Variants in PCDHGB3 observed in about 807,000 individuals in gnomAD.
PCDHGB3 encodes the protein protocadherin gamma-B3.
A neutral mutation model predicts 59.2 loss-of-function variants in PCDHGB3; 40 were observed. The ratio of observed to expected loss-of-function variants is 0.68; its 90% CI spans 0.52 to 0.88. The LOEUF is 0.88. Ranked by LOEUF, PCDHGB3 falls within the 40% of genes least tolerant of loss-of-function variation. The probability of loss-of-function intolerance (pLI) is 0.00; values close to 1 mark genes in which losing one functional copy is unlikely to be tolerated. For synonymous variants in PCDHGB3, 581 were observed against 503.6 expected (o/e 1.15, Z -2.06); for missense variants, 1,309 against 1,187.9 (o/e 1.10, Z -1.50).
At position 141,487,063 on chromosome 5, in the gene PCDHGB3, G is replaced by A. The variant is rs754361361; in HGVS notation, c.2416-7744G>A. 39 of 1,614,086 alleles carry A rather than the reference G, an allele frequency of 2.4e-5. No individual in the cohort carries two copies. In the South Asian group the frequency reaches 3.7e-4, roughly 15 times the overall value. The stretch of plus-strand genomic sequence containing the variant: ...CTCGATATGCTGGGGAGGTGCGGAC[G>A]GCTGTTCCTATCCCAGCTGACCTCC... On this transcript the variant is annotated intron_variant, in intron 1 of 3. Transcript: ENST00000576222. The surrounding 1 kb of genome is among the most constrained non-coding windows in gnomAD (Gnocchi z 5.0).
chr5:141,398,738 A>G, intron 1 of PCDHGB3: 1 of 1,613,880 alleles, frequency 6.2e-7, no homozygotes, highest in Admixed American at 1.7e-5. Flanking sequence ...GACCGGGAAC[A>G]ACAGAGTTAC....
chr5:141,442,779 A>G (rs1453800627), intron 1 of PCDHGB3, among the ~76,000 whole-genome samples: 1 of 152,160 alleles, frequency 6.6e-6, no homozygotes, highest in Non-Finnish European at 1.5e-5. Context: ...GTTTGATTAT[A>G]TTTTATAATT....
chr5:141,427,114 A>G (rs767478190), intron 1 of PCDHGB3: 1 of 457,522 alleles, frequency 2.2e-6, no homozygotes, highest in Non-Finnish European at 4.4e-6. Flanking sequence ...GAGATCACCT[A>G]CTCTTTCAAA....
intron 3 of PCDHGB3, among the ~76,000 whole-genome samples, chr5:141,509,776 C>T (rs898626809): frequency 7.2e-5 from 11 of 152,140 alleles, no homozygotes; most frequent in African/African-American, 9.7e-5. Context: ...GTCTAGTCCC[C>T]GAGATCATCA....
At chr5:141,408,850 C>T (rs2095179070) in intron 1 of PCDHGB3, 2 of 1,613,554 alleles carry the variant, frequency 1.2e-6, no homozygotes, top group South Asian at 1.1e-5. Context: ...CTGCCTTGGA[C>T]GGAGGGGACC....
rs775212888 is a variant in PCDHGB3 at position 141,372,751 on chromosome 5, C to T, written c.2357C>T (p.Ser786Phe). 1 of 1,613,310 alleles carries T rather than the reference C, an allele frequency of 6.2e-7. No homozygotes were observed. The highest frequency in any genetic ancestry group is 1.7e-5 in the Admixed American group (1 of 59,984). The change falls in exon 1 of 4, where the codon TCT (serine) becomes TTT (phenylalanine). Residue 786 changes from serine (S) to phenylalanine (F), a missense_variant. Coordinates refer to ENST00000576222, the MANE Select transcript of PCDHGB3 (RefSeq NM_018924.5). The stretch of plus-strand genomic sequence containing the variant: ...CAAGATCTTCTATGTGATGAAGCCT[C>T]TTGGTTTGAAAGTAATGACAATCCA... Reference protein sequence around the residue: ...APQDLLCDEASWFESNDNPEM... With the variant: ...APQDLLCDEAFWFESNDNPEM...
At position 141,376,453 on chromosome 5, in the gene PCDHGB3, T is replaced by G. The variant is rs779136467; in HGVS notation, c.2415+3644T>G. On this transcript the variant is annotated intron_variant, in intron 1 of 3. Transcript: ENST00000576222. ...AGGAGAGCTATGAGAAAAGCGAGCC[T>G]CTTCTGATAACTCAGGATTTACTTG... The G allele has an allele frequency of 1.9e-6, 3 of 1,614,166 alleles. No homozygotes were observed. The South Asian group carries it at 3.3e-5, about 18-fold the overall frequency.
chr5:141,371,970 CG>C lies in PCDHGB3; in HGVS notation c.1577del (p.Arg526LeufsTer21), dbSNP rs748554819. The C allele has an allele frequency of 2.5e-4, 402 of 1,613,132 alleles. No homozygotes were observed. The highest frequency in any genetic ancestry group is 5.5e-5 in the Non-Finnish European group (65 of 1,179,814). ...GCGAGCCTTCGACCACGAGCAGCTG[CG>C]TGCCTTCGAGCTCACTCTGCAGGCC... ...AQRAFDHEQL[R>X]AFELTLQARD... On this transcript the variant is annotated frameshift_variant, in exon 1 of 4. Transcript: ENST00000576222. LOFTEE classifies it high-confidence loss of function.
At chr5:141,391,248 A>G (rs1561633877) in intron 1 of PCDHGB3, 1 of 152,120 alleles carries the variant, frequency 6.6e-6, no homozygotes, top group Non-Finnish European at 1.5e-5. Context: ...TATCTAAGCA[A>G]CTGCTTCAGT....
At chr5:141,387,877 C>T in intron 1 of PCDHGB3, 1 of 1,585,868 alleles carries the variant, frequency 6.3e-7, no homozygotes, top group Non-Finnish European at 8.6e-7. Flanking sequence ...CTGAGGAGAG[C>T]AAGAGGGATG....
At chr5:141,409,986 A>G (rs995773112) in intron 1 of PCDHGB3, 27 of 1,612,796 alleles carry the variant, frequency 1.7e-5, no homozygotes, top group Non-Finnish European at 2.2e-5. Context: ...GTAGCGGTGG[A>G]CGCCGACTCG....
At chr5:141,471,046 CTT>C (rs1170588345) in intron 1 of PCDHGB3, among the ~76,000 whole-genome samples, 2,578 of 113,210 alleles carry the variant, frequency 0.023, 53 homozygotes, top group East Asian at 0.11. Context: ...CCCAAGCCCT[CTT>C]TTTTTTTTTT....
chr5:141,428,200 G>A (rs1000165985), intron 1 of PCDHGB3: 3 of 1,363,858 alleles, frequency 2.2e-6, no homozygotes, highest in East Asian at 2.3e-5. Flanking sequence ...TCTCTGCGCC[G>A]CTACGCTTCA....
At chr5:141,510,658 A>G (rs1162885805) in intron 3 of PCDHGB3, among the ~76,000 whole-genome samples, 1 of 152,178 alleles carries the variant, frequency 6.6e-6, no homozygotes, top group African/African-American at 2.4e-5. Context: ...CATTTTGCAG[A>G]TGAGAAAACT....
Position 141,485,790 on chromosome 5 carries a change from C to G in PCDHGB3, c.2416-9017C>G. 6.2e-7 allele frequency: 1 copy of G among 1,614,204 alleles called. No homozygotes were observed. The highest frequency in any genetic ancestry group is 8.5e-7 in the Non-Finnish European group (1 of 1,180,032). ...AAGCCTTTGGATCGAGAGAAGCAAT[C>G]GGACTACCGCCTGGTGCTGACTGCT... On this transcript the variant is annotated intron_variant, in intron 1 of 3. Transcript: ENST00000576222. This position sits in a 1 kb window ranked among gnomAD's most constrained non-coding sequence, Gnocchi z 5.7.
At position 141,370,568 on chromosome 5, in the gene PCDHGB3, G is replaced by T. The variant is rs968157637; in HGVS notation, c.174G>T (p.Val58=). The T allele has an allele frequency of 1.9e-6, 3 of 1,613,930 alleles. No homozygotes were observed. The highest frequency in any genetic ancestry group is 1.7e-5 in the Admixed American group (1 of 60,024). ...GNLAKDLGFG[V]GDLPTRNLRV... is the part of the protein sequence containing the mutation. ...TCGCCAAGGACCTGGGGTTTGGCGT[G>T]GGGGATTTACCTACTAGGAACCTGC... Residue 58 remains valine (V), a synonymous_variant, in exon 1 of 4, where the codon GTG becomes GTT. Coordinates refer to ENST00000576222, the MANE Select transcript of PCDHGB3 (RefSeq NM_018924.5).
intron 1 of PCDHGB3, among the ~76,000 whole-genome samples, chr5:141,461,001 A>C (rs1309762345): frequency 6.7e-6 from 1 of 150,320 alleles, no homozygotes; most frequent in Admixed American, 6.7e-5. Context: ...ATATATGTGT[A>C]TATATATATA....
chr5:141,433,401 A>ATCTATCTATCTATCTC (rs1444244130), intron 1 of PCDHGB3, among the ~76,000 whole-genome samples: 1 of 150,482 alleles, frequency 6.6e-6, no homozygotes, highest in African/African-American at 2.4e-5. Context: ...CTATCTATCT[A>ATCTATCTATCTATCTC]TCTATTACTT....
chr5:141,425,523 T>C (rs1260519939), intron 1 of PCDHGB3, among the ~76,000 whole-genome samples: 1 of 152,248 alleles, frequency 6.6e-6, no homozygotes, highest in Admixed American at 6.5e-5. Flanking sequence ...TGATGAAACA[T>C]GAAACAATAA....
Sources: gnomAD v4.1 joint callset for allele counts (sites outside exome capture counted in the v4.1 genomes callset) on GRCh38, gnomAD v4.1.1 for gene constraint, Gnocchi (gnomAD v3.1) non-coding constraint, MANE v1.5 for transcripts, NCBI Gene and HGNC (gene_info 2026-07-23, HGNC 2026-07-21) for gene names.